DOP1A: variants seen among roughly 807,000 people sequenced by gnomAD.
DOP1A encodes the protein DOP1 leucine zipper like protein A.
In DOP1A, 90 loss-of-function variants were observed where a neutral mutation model predicts 267.6. The observed-to-expected ratio is 0.34, with a 90% confidence interval of 0.28 to 0.40. The LOEUF (loss-of-function observed/expected upper bound fraction) is 0.40, where lower values mean the gene tolerates loss of function less well. Among genes scored for constraint, DOP1A ranks in the 10% least tolerant of loss-of-function variants. The pLI is 1.00. For synonymous variants in DOP1A, 932 were observed against 999.1 expected (o/e 0.93, Z 1.27); for missense variants, 2,437 against 2,900.4 (o/e 0.84, Z 3.67).
At chr6:83,139,649 A>G (rs1779314414) in intron 21 of DOP1A, among the ~76,000 whole-genome samples, 1 of 152,140 alleles carries the variant, frequency 6.6e-6, no homozygotes. Context: ...GTAGACTGTC[A>G]TTTTTCTTCA....
At chr6:83,165,599 G>A (rs925144381) in intron 38 of DOP1A, 22 of 173,764 alleles carry the variant, frequency 1.3e-4, no homozygotes, top group East Asian at 3.2e-4. Flanking sequence ...CAAATTTGAC[G>A]AACTCTTGGA....
At chr6:83,101,172 C>T (rs974881464) in intron 4 of DOP1A, among the ~76,000 whole-genome samples, 8 of 152,016 alleles carry the variant, frequency 5.3e-5, no homozygotes, top group South Asian at 2.1e-4. Context: ...CCCGCCACCA[C>T]GCCCGACTAA....
At chr6:83,109,980 T>C in intron 5 of DOP1A, 145 bp from the exon 6 acceptor site, 1 of 777,194 alleles carries the variant, frequency 1.3e-6, no homozygotes, top group South Asian at 3.2e-5. Flanking sequence ...AGTATATTCT[T>C]CTTTCAGTCT....
In DOP1A at chr6:83,166,912, CTTCT is replaced by C. The variant is rs1469663901; in HGVS notation, c.7093-949_7093-946del. 28 of 989,252 alleles carry C rather than the reference CTTCT, an allele frequency of 2.8e-5. No individual in the cohort carries two copies. The South Asian group carries it at 6.5e-4, about 23-fold the overall frequency. The allele number at this position is 989,252 out of a possible 1,614,324, so 61.3% of individuals were successfully genotyped here. On this transcript the variant is annotated intron_variant, in intron 38 of 38. Transcript: ENST00000349129. ...CTTCCTAAGTCTTCATGATTTCTTCCTTCTGTCTAGTTCATTGCTTATTTTCATT... is the reference window on the plus strand; with the variant it reads ...CTTCCTAAGTCTTCATGATTTCTTCCGTCTAGTTCATTGCTTATTTTCATT...
intron 38 of DOP1A, chr6:83,166,346 T>A (rs1179251469): frequency 1.4e-6 from 1 of 691,956 alleles, no homozygotes. Context: ...GCACTCCTCA[T>A]CTTCAAGGCT....
Position 83,120,892 on chromosome 6 carries a change from C to G in DOP1A, c.1099+101C>G, listed in dbSNP as rs536556096. On this transcript the variant is annotated intron_variant, in intron 10 of 38. Transcript: ENST00000349129. ...GGGAAATTGTTATATTTTGAGGTGG[C>G]CTTTAAATATAAGTTCTCAACAATT... 1.7e-4 allele frequency: 141 copies of G among 851,972 alleles called. No individual in the cohort carries two copies. Among genetic ancestry groups the G allele is most frequent in the Middle Eastern group, 5.0e-4 (2 of 4,030 alleles). The allele number at this position is 851,972 out of a possible 1,614,324, so 52.8% of individuals were successfully genotyped here.
At chr6:83,166,362 C>T (rs895728106) in intron 38 of DOP1A, 10 of 698,178 alleles carry the variant, frequency 1.4e-5, no homozygotes, top group Non-Finnish European at 2.3e-5. Flanking sequence ...AGGCTCTAGT[C>T]TCCTTTGCAA....
intron 1 of DOP1A, among the ~76,000 whole-genome samples, chr6:83,080,959 C>CA (rs1043225369): frequency 7.9e-5 from 12 of 152,028 alleles, no homozygotes; most frequent in African/African-American, 2.9e-4. Context: ...CCATCTTGAG[C>CA]AAAAAAACAA....
Position 83,168,064 on chromosome 6 carries a change from A to C in DOP1A, c.7295A>C (p.Lys2432Thr). 1 of 1,614,230 alleles carries C rather than the reference A, an allele frequency of 6.2e-7. No homozygotes were observed. Among genetic ancestry groups the C allele is most frequent in the South Asian group, 1.1e-5 (1 of 91,092 alleles). ...CTCTACTCAAATGCCTTCCCTAATA[A>C]GGACATGAAACTGGAGAACCACAAA... The part of the protein sequence containing the change: ...PILYSNAFPN[K>T]DMKLENHKPC... Residue 2432 changes from lysine (K) to threonine (T), a missense_variant, in exon 39 of 39, where the codon AAG (lysine) becomes ACG (threonine). Coordinates refer to ENST00000349129, the MANE Select transcript of DOP1A (RefSeq NM_015018.4).
Position 83,154,261 on chromosome 6 carries a change from A to C in DOP1A, c.6451+20A>C, listed in dbSNP as rs769656636. 5 of 1,605,730 alleles carry C rather than the reference A, an allele frequency of 3.1e-6. No homozygotes were observed. In the African/African-American group the frequency reaches 6.7e-5, roughly 21 times the overall value. On this transcript the variant is annotated intron_variant, in intron 33 of 38. Coordinates refer to ENST00000349129, the MANE Select transcript of DOP1A (RefSeq NM_015018.4). ...TGATGAGTGAGTATTACGGGATGAC[A>C]ATCCAAGTTCTTTCCTGTACATGGT... is the stretch of plus-strand genomic sequence containing the variant.
At chr6:83,115,169 C>G (rs1188259592) in intron 7 of DOP1A, among the ~76,000 whole-genome samples, 1 of 152,168 alleles carries the variant, frequency 6.6e-6, no homozygotes. Flanking sequence ...ATCTGTAGTA[C>G]TTACACCTTT....
intron 4 of DOP1A, among the ~76,000 whole-genome samples, chr6:83,105,187 C>G (rs1394313810): frequency 6.6e-6 from 1 of 151,908 alleles, no homozygotes; most frequent in Non-Finnish European, 1.5e-5. Context: ...ATTAAGTGTT[C>G]TATTCTCAGT....
intron 7 of DOP1A, 138 bp from the exon 8 acceptor site, chr6:83,118,750 A>G (rs1181992049): frequency 1.9e-6 from 1 of 537,300 alleles, no homozygotes; most frequent in African/African-American, 1.9e-5. Context: ...TGGAAGTAAT[A>G]TCCTGTGTTT....
intron 38 of DOP1A, chr6:83,165,326 A>G (rs1186073656): frequency 6.6e-6 from 1 of 152,406 alleles, no homozygotes. Flanking sequence ...CTTAAGTGAT[A>G]GCTGTTAAGT....
chr6:83,147,002 T>C (rs1425122847), intron 25 of DOP1A, among the ~76,000 whole-genome samples: 2 of 152,192 alleles, frequency 1.3e-5, no homozygotes, highest in Admixed American at 1.3e-4. Context: ...GAAGGAAAAA[T>C]TGACAGTCTT....
chr6:83,169,052 G>A (rs1050418960), downstream of DOP1A: 1 of 1,404,096 alleles, frequency 7.1e-7, no homozygotes, highest in African/African-American at 1.4e-5. Context: ...TTTAACAAGT[G>A]TAAGGCTTAC....
At chr6:83,136,704 G>C (rs1434792249) in intron 20 of DOP1A, among the ~76,000 whole-genome samples, 1 of 151,952 alleles carries the variant, frequency 6.6e-6, no homozygotes, top group Non-Finnish European at 1.5e-5. Context: ...GCATTACCCT[G>C]CTTATTGCCA....
intron 34 of DOP1A, among the ~76,000 whole-genome samples, chr6:83,156,579 G>A (rs1415413656): frequency 6.6e-6 from 1 of 152,104 alleles, no homozygotes; most frequent in Non-Finnish European, 1.5e-5. Context: ...TATCCAGAAG[G>A]ATATCAGTAC....
chr6:83,163,028 T>C (rs1784602197), intron 38 of DOP1A, 109 bp downstream of exon 38: 2 of 1,304,104 alleles, frequency 1.5e-6, no homozygotes, highest in Non-Finnish European at 2.1e-6. Context: ...AGTTGAGCTA[T>C]TTTGAAAACA....
Sources: gnomAD v4.1 joint callset for allele counts (sites outside exome capture counted in the v4.1 genomes callset) on GRCh38, gnomAD v4.1.1 for gene constraint, MANE v1.5 for transcripts, NCBI Gene and HGNC (gene_info 2026-07-23, HGNC 2026-07-21) for gene names.